Variants in GFRA2 observed in about 807,000 individuals in gnomAD.
GFRA2 encodes GDNF family receptor alpha-2.
GFRA2 carries 17 observed loss-of-function variants against 48.3 expected under a neutral mutation model. The ratio of observed to expected loss-of-function variants is 0.35; its 90% CI spans 0.24 to 0.53. The LOEUF (loss-of-function observed/expected upper bound fraction) is 0.53, where lower values mean the gene tolerates loss of function less well. Among genes scored for constraint, GFRA2 ranks in the 20% least tolerant of loss-of-function variants. The pLI is 0.93. For synonymous variants in GFRA2, 305 were observed against 257.2 expected (o/e 1.19, Z -1.78); for missense variants, 660 against 637.3 (o/e 1.04, Z -0.38).
At chr8:21,709,803 C>T (rs1313142318) in intron 4 of GFRA2, among the ~76,000 whole-genome samples, 2 of 152,232 alleles carry the variant, frequency 1.3e-5, no homozygotes, top group African/African-American at 4.8e-5. Flanking sequence ...TGGGAACCCT[C>T]AGGACCTCGA....
chr8:21,782,660 G>T lies in GFRA2; in HGVS notation c.280C>A (p.Arg94Ser). 1 of 1,586,064 alleles carries T rather than the reference G, an allele frequency of 6.3e-7. No individual in the cohort carries two copies. Residue 94 changes from arginine (R) to serine (S), a missense_variant, in exon 2 of 9, where the codon CGC becomes AGC. By Grantham distance (110) the Arg-to-Ser change is moderately radical. Coordinates refer to ENST00000524240, the MANE Select transcript of GFRA2 (RefSeq NM_001495.5). Reference sequence around the variant, plus strand: ...TCCTTCTTCATGCCCCGCTTGCAGCGGCAGTCGTACAGCGGGCTCTCCTGC... The same window carrying T: ...TCCTTCTTCATGCCCCGCTTGCAGCTGCAGTCGTACAGCGGGCTCTCCTGC... The part of the protein sequence containing the change: ...VLQESPLYDC[R>S]CKRGMKKELQ...
intron 1 of GFRA2, among the ~76,000 whole-genome samples, chr8:21,809,543 G>C (rs1446384668): frequency 6.6e-6 from 1 of 152,082 alleles, no homozygotes; most frequent in Non-Finnish European, 1.5e-5. Flanking sequence ...TAGCCAGGAT[G>C]GTCTTGATCT....
rs569985898 is a variant in GFRA2 at position 21,691,418 on chromosome 8, A to T, written c.*1860T>A. On this transcript the variant is annotated 3_prime_UTR_variant, in exon 9 of 9. Coordinates refer to ENST00000524240, the MANE Select transcript of GFRA2 (RefSeq NM_001495.5). ...AGTGTCCAAGTGGGGCCTGGGTAGC[A>T]AATGGAGAAACAGGAAAGGAAGGAA... 6.6e-6 allele frequency: 1 copy of T among 152,348 alleles called. No individual in the cohort carries two copies. The highest frequency in any genetic ancestry group is 2.1e-4 in the South Asian group (1 of 4,818). The allele number at this position is 152,348 out of a possible 1,614,324, so 9.4% of individuals were successfully genotyped here. A position where few individuals can be genotyped will look rare whatever the true frequency, so the allele number is the denominator to read the frequency against.
In GFRA2 at chr8:21,712,780, G is replaced by A. The variant is rs926341845; in HGVS notation, c.795-6739C>T. 3.3e-3 allele frequency among the ~76,000 whole-genome samples: 496 copies of A among 152,330 alleles called. 3 individuals are homozygous for A. The highest frequency in any genetic ancestry group is 0.011 in the African/African-American group (463 of 41,590). On this transcript the variant is annotated intron_variant, in intron 4 of 8. Coordinates refer to ENST00000524240, the MANE Select transcript of GFRA2 (RefSeq NM_001495.5). Reference sequence around the variant, plus strand: ...GGCACCTCGGGAGGCCGAGGCTGGCGGATCACTCGCGGTTAGGAGCTGGAG... The same window carrying A: ...GGCACCTCGGGAGGCCGAGGCTGGCAGATCACTCGCGGTTAGGAGCTGGAG...
At chr8:21,742,416 CTTTA>C (rs1804791794) in intron 4 of GFRA2, among the ~76,000 whole-genome samples, 1 of 152,152 alleles carries the variant, frequency 6.6e-6, no homozygotes, top group South Asian at 2.1e-4. Context: ...ATCACAGGGC[CTTTA>C]TGGATCAAGG....
At chr8:21,694,101 G>A (rs1185871312) in intron 8 of GFRA2, among the ~76,000 whole-genome samples, 1 of 90,110 alleles carries the variant, frequency 1.1e-5, no homozygotes, top group East Asian at 3.3e-4. Context: ...ATTTCCTATA[G>A]TGGGGGTTTC....
At chr8:21,704,568 G>C (rs749192943) in intron 6 of GFRA2, among the ~76,000 whole-genome samples, 15 of 152,220 alleles carry the variant, frequency 9.9e-5, no homozygotes, top group Non-Finnish European at 1.5e-4. Flanking sequence ...GACTGAGCTA[G>C]ACTGTGGCTA....
chr8:21,697,850 T>A (rs111537483), intron 7 of GFRA2, among the ~76,000 whole-genome samples: 9,051 of 152,048 alleles, frequency 0.06, 748 homozygotes, highest in African/African-American at 0.18. Context: ...CTGCACACAC[T>A]CTCTCTTTCC....
intron 4 of GFRA2, among the ~76,000 whole-genome samples, chr8:21,709,542 C>A (rs1172390878): frequency 6.6e-6 from 1 of 152,182 alleles, no homozygotes; most frequent in Non-Finnish European, 1.5e-5. Flanking sequence ...GAATGGCAAG[C>A]GTGGACGCAA....
chr8:21,780,524 C>T (rs1021249037), intron 2 of GFRA2, among the ~76,000 whole-genome samples: 25 of 152,148 alleles, frequency 1.6e-4, no homozygotes, highest in African/African-American at 6.0e-4. Flanking sequence ...TGCACACCCC[C>T]TTGGCCCTGG....
intron 1 of GFRA2, among the ~76,000 whole-genome samples, chr8:21,785,069 G>A (rs1339536429): frequency 6.6e-6 from 1 of 152,172 alleles, no homozygotes; most frequent in Non-Finnish European, 1.5e-5. Flanking sequence ...CTGAACTGAA[G>A]GCTGCACTGT....
intron 8 of GFRA2, 150 bp from the exon 9 acceptor site, chr8:21,693,550 C>T (rs1159131762): frequency 2.3e-5 from 16 of 683,656 alleles, no homozygotes; most frequent in Middle Eastern, 5.8e-4. Context: ...CCCTCCTTTG[C>T]ACTCTGAAGG....
At chr8:21,714,798 T>C (rs547571766) in intron 4 of GFRA2, among the ~76,000 whole-genome samples, 66 of 152,190 alleles carry the variant, frequency 4.3e-4, no homozygotes, top group African/African-American at 1.6e-3. Context: ...CCAGGTACGG[T>C]GGCTGACACA....
intron 3 of GFRA2, among the ~76,000 whole-genome samples, chr8:21,758,150 C>T (rs550436927): frequency 3.3e-5 from 5 of 151,774 alleles, no homozygotes; most frequent in African/African-American, 7.3e-5. Context: ...GGCCACCTTC[C>T]AAAAACTGAG....
At chr8:21,773,545 T>A (rs1806541343) in intron 3 of GFRA2, among the ~76,000 whole-genome samples, 1 of 152,238 alleles carries the variant, frequency 6.6e-6, no homozygotes, top group Admixed American at 6.5e-5. Flanking sequence ...AAGCTGGTTC[T>A]TGGGTGGACA....
At chr8:21,698,591 C>T (rs895965017) in intron 7 of GFRA2, among the ~76,000 whole-genome samples, 14 of 152,184 alleles carry the variant, frequency 9.2e-5, no homozygotes, top group Admixed American at 2.6e-4. Flanking sequence ...TAAATCTCAG[C>T]GCTCCTGGCC....
rs141358143 is a variant in GFRA2 at position 21,750,401 on chromosome 8, T to C, written c.794+187A>G. On this transcript the variant is annotated intron_variant, in intron 4 of 8. Transcript: ENST00000524240. This position sits in a 1 kb window ranked among gnomAD's most constrained non-coding sequence, Gnocchi z 5.7. ...ATGAATAAAGAAGTAGATGGATGGA[T>C]GAATGGATGAATGAAATGGAAAATT... Among the ~76,000 whole-genome samples, 620 of 152,338 alleles carry C rather than the reference T, an allele frequency of 4.1e-3. 1 individual carries two copies. Among genetic ancestry groups the C allele is most frequent in the African/African-American group, 0.014 (596 of 41,580 alleles).
chr8:21,797,277 CCTTT>C (rs1432274165), intron 2 of GFRA2, among the ~76,000 whole-genome samples: 1 of 139,684 alleles, frequency 7.2e-6, no homozygotes, highest in Non-Finnish European at 1.5e-5. Context: ...CTTTTTTTTT[CCTTT>C]CTTTGCTTTT....
intron 4 of GFRA2, among the ~76,000 whole-genome samples, chr8:21,740,127 G>C (rs1300961747): frequency 1.3e-5 from 2 of 152,164 alleles, no homozygotes; most frequent in East Asian, 3.9e-4. Context: ...GCTGAGACTT[G>C]CCCAGTGTGA....
Sources: gnomAD v4.1 joint callset for allele counts (sites outside exome capture counted in the v4.1 genomes callset) on GRCh38, gnomAD v4.1.1 for gene constraint, Gnocchi (gnomAD v3.1) non-coding constraint, MANE v1.5 for transcripts, NCBI Gene and HGNC (gene_info 2026-07-23, HGNC 2026-07-21) for gene names.